Variants in CUEDC1 observed in about 807,000 individuals in gnomAD.
CUEDC1 encodes the protein CUE domain containing 1, also known as CUE domain-containing protein 1.
Under a neutral mutation model 43.7 loss-of-function variants are expected in CUEDC1, and 30 were observed. The observed-to-expected ratio is 0.69, with a 90% CI of 0.51 to 0.93. The LOEUF is 0.93. Ranked by LOEUF, CUEDC1 falls within the 40% of genes least tolerant of loss-of-function variation. The pLI, the probability that CUEDC1 is intolerant of heterozygous loss-of-function variation, is 0.00. For missense variants in CUEDC1, 486 were observed against 549.0 expected (o/e 0.89, Z 1.15); for synonymous variants, 223 against 223.6 (o/e 1.00, Z 0.02).
chr17:57,893,238 G>A (rs1249835545), intron 1 of CUEDC1, among the ~76,000 whole-genome samples: 2 of 152,206 alleles, frequency 1.3e-5, no homozygotes, highest in Non-Finnish European at 2.9e-5. Context: ...ACCTCAGAGC[G>A]GGTGGGGTGC....
intron 1 of CUEDC1, among the ~76,000 whole-genome samples, chr17:57,920,319 T>A (rs1448526834): frequency 6.6e-6 from 1 of 152,200 alleles, no homozygotes; most frequent in African/African-American, 2.4e-5. Context: ...CACATCCAAG[T>A]TTGAGAATCA....
intron 4 of CUEDC1, 43 bp downstream of exon 4, chr17:57,873,548 G>T: frequency 6.6e-7 from 1 of 1,505,566 alleles, no homozygotes; most frequent in Non-Finnish European, 8.9e-7. Flanking sequence ...GAGAGATGCT[G>T]GACAAGCAGG....
chr17:57,868,759 G>C (rs1234634756), intron 7 of CUEDC1, among the ~76,000 whole-genome samples: 1 of 152,084 alleles, frequency 6.6e-6, no homozygotes, highest in South Asian at 2.1e-4. Flanking sequence ...GTAGGACTTT[G>C]TGGAAAGAGG....
intron 1 of CUEDC1, among the ~76,000 whole-genome samples, chr17:57,889,787 C>T (rs1252297030): frequency 6.6e-6 from 1 of 152,166 alleles, no homozygotes; most frequent in Non-Finnish European, 1.5e-5. Context: ...TCAGAGACTC[C>T]CAGGCTGCCT....
intron 2 of CUEDC1, among the ~76,000 whole-genome samples, chr17:57,881,713 C>G (rs1011233186): frequency 3.9e-5 from 6 of 152,134 alleles, no homozygotes; most frequent in African/African-American, 1.4e-4. Context: ...TGGGGTTTCC[C>G]CTGACCATGG....
intron 1 of CUEDC1, among the ~76,000 whole-genome samples, chr17:57,952,736 G>A (rs2075019473): frequency 6.6e-6 from 1 of 152,170 alleles, no homozygotes; most frequent in Non-Finnish European, 1.5e-5. Flanking sequence ...CAGTGTGAGT[G>A]CTGCCATATG....
intron 6 of CUEDC1, chr17:57,869,821 T>C: frequency 6.5e-6 from 1 of 153,062 alleles, no homozygotes; most frequent in Non-Finnish European, 1.5e-5. Flanking sequence ...TCGCTCAGCA[T>C]CCACTTGGGT....
At chr17:57,874,716 T>C (rs1283245357) in intron 3 of CUEDC1, among the ~76,000 whole-genome samples, 1 of 152,272 alleles carries the variant, frequency 6.6e-6, no homozygotes, top group East Asian at 1.9e-4. Context: ...CGGTGGGGGC[T>C]GCTCTAGCTC....
At position 57,868,588 on chromosome 17, in the gene CUEDC1, G is replaced by A. The variant is rs544364181; in HGVS notation, c.941-345C>T. Reference sequence around the variant, plus strand: ...GCTTTCCCGCCGCCACCGCCTTCCCGCCCCTCCCCTAGCCACCTCCAAAGT... The same window carrying A: ...GCTTTCCCGCCGCCACCGCCTTCCCACCCCTCCCCTAGCCACCTCCAAAGT... On this transcript the variant is annotated intron_variant, in intron 7 of 10. Transcript: ENST00000577830. 1.9e-5 allele frequency: 7 copies of A among 370,240 alleles called. 1 individual carries two copies. The highest frequency in any genetic ancestry group is 6.2e-5 in the African/African-American group (3 of 48,702). 22.9% of individuals were successfully genotyped at this position (370,240 alleles called of 1,614,324 possible). A position where few individuals can be genotyped will look rare whatever the true frequency, so the allele number is the denominator to read the frequency against.
chr17:57,912,388 C>G (rs1207420280), intron 1 of CUEDC1: 1 of 152,200 alleles, frequency 6.6e-6, no homozygotes, highest in Admixed American at 6.5e-5. Flanking sequence ...GAAGACACTA[C>G]CTCCTAATTA....
chr17:57,938,106 T>C (rs1032490392), intron 1 of CUEDC1, among the ~76,000 whole-genome samples: 1 of 152,180 alleles, frequency 6.6e-6, no homozygotes, highest in African/African-American at 2.4e-5. Context: ...GGACACAGGC[T>C]GCACACACAG....
intron 8 of CUEDC1, chr17:57,867,751 C>T: frequency 2.1e-6 from 1 of 473,834 alleles, no homozygotes; most frequent in Non-Finnish European, 3.8e-6. Context: ...TATTTCTACT[C>T]GAGGAAGGGA....
At chr17:57,918,480 G>A (rs956754099) in intron 1 of CUEDC1, among the ~76,000 whole-genome samples, 4 of 152,248 alleles carry the variant, frequency 2.6e-5, no homozygotes, top group Non-Finnish European at 4.4e-5. Context: ...AGGAGTTCCA[G>A]CAGGACAAAG....
At chr17:57,871,421 G>GCCTGCCCCT in intron 5 of CUEDC1, 52 bp from the exon 6 acceptor site, 1 of 1,488,936 alleles carries the variant, frequency 6.7e-7, no homozygotes, top group Non-Finnish European at 9.4e-7. Flanking sequence ...TGGGCTCCCA[G>GCCTGCCCCT]GGGCAGGCTG....
intron 1 of CUEDC1, among the ~76,000 whole-genome samples, chr17:57,929,020 C>T (rs2074777529): frequency 6.6e-6 from 1 of 152,124 alleles, no homozygotes; most frequent in African/African-American, 2.4e-5. Context: ...AAAAAAGTTT[C>T]CATTCCATAC....
At chr17:57,940,253 TAAA>T (rs57921791) in intron 1 of CUEDC1, among the ~76,000 whole-genome samples, 2 of 139,212 alleles carry the variant, frequency 1.4e-5, no homozygotes, top group African/African-American at 2.6e-5. Flanking sequence ...TGTCAGTGTT[TAAA>T]AAAAAAAAAA....
intron 1 of CUEDC1, among the ~76,000 whole-genome samples, chr17:57,919,470 C>T (rs933642526): frequency 4.6e-5 from 7 of 151,972 alleles, no homozygotes; most frequent in Non-Finnish European, 8.8e-5. Context: ...GTGTGCCCGG[C>T]GATATATGTC....
chr17:57,918,624 G>A (rs749436234), intron 1 of CUEDC1, among the ~76,000 whole-genome samples: 1 of 152,148 alleles, frequency 6.6e-6, no homozygotes, highest in Non-Finnish European at 1.5e-5. Context: ...TTAAAAAGAG[G>A]AGTCAGAGTT....
At chr17:57,921,107 G>A (rs1598010594) in intron 1 of CUEDC1, among the ~76,000 whole-genome samples, 1 of 152,340 alleles carries the variant, frequency 6.6e-6, no homozygotes, top group South Asian at 2.1e-4. Flanking sequence ...CCAAGGTAGC[G>A]AGTTAATAGG....
Sources: allele counts gnomAD v4.1 joint callset (sites outside exome capture counted in the v4.1 genomes callset), GRCh38; gene constraint gnomAD v4.1.1; transcripts MANE v1.5; gene names NCBI Gene and HGNC (gene_info 2026-07-23, HGNC 2026-07-21).